LDB2: variants seen among roughly 807,000 people sequenced by gnomAD.
The protein encoded by LDB2 is LIM domain-binding protein 2.
LDB2 carries 12 observed loss-of-function variants against 44.3 expected under a neutral mutation model. That is an observed-to-expected ratio of 0.27 (90% confidence interval 0.17 to 0.44). LDB2 has a LOEUF of 0.44. LDB2 is among the 20% of genes least tolerant of loss of function. LDB2 has a pLI of 1.00. For missense variants in LDB2, 344 were observed against 473.5 expected (o/e 0.73, Z 2.54); for synonymous variants, 164 against 174.8 (o/e 0.94, Z 0.49).
At chr4:16,839,315 G>C (rs771285309) in intron 1 of LDB2, among the ~76,000 whole-genome samples, 2 of 152,204 alleles carry the variant, frequency 1.3e-5, no homozygotes, top group African/African-American at 4.8e-5. Flanking sequence ...TGTGTGCAGA[G>C]ATCACTTGGT....
At chr4:16,871,981 T>C (rs575197694) in intron 1 of LDB2, among the ~76,000 whole-genome samples, 4 of 152,170 alleles carry the variant, frequency 2.6e-5, no homozygotes, top group African/African-American at 9.6e-5. Flanking sequence ...ACTATAAGAG[T>C]TCAGCAGAAA....
intron 2 of LDB2, among the ~76,000 whole-genome samples, chr4:16,742,074 C>CTTTTTTTTTTTTTTTTTTTT (rs33990510): frequency 3.1e-5 from 4 of 128,310 alleles, no homozygotes; most frequent in African/African-American, 6.1e-5. Context: ...CTTTTCTTTT[C>CTTTTTTTTTTTTTTTTTTTT]TTTTTTTTTT....
At chr4:16,658,398 C>T (rs893432135) in intron 2 of LDB2, among the ~76,000 whole-genome samples, 3 of 152,270 alleles carry the variant, frequency 2.0e-5, no homozygotes, top group Non-Finnish European at 2.9e-5. Context: ...TTATGTGCAT[C>T]GTGGCTAAAA....
chr4:16,877,701 C>CA (rs1328934648), intron 1 of LDB2, among the ~76,000 whole-genome samples: 1 of 152,170 alleles, frequency 6.6e-6, no homozygotes, highest in Non-Finnish European at 1.5e-5. Context: ...TAAGTGATGT[C>CA]ATCAAAGCCT....
intron 7 of LDB2, among the ~76,000 whole-genome samples, chr4:16,504,977 C>T (rs1267652920): frequency 3.3e-5 from 5 of 152,032 alleles, no homozygotes; most frequent in East Asian, 1.9e-4. Flanking sequence ...GCATTAGTAT[C>T]GTGACTCCAA....
chr4:16,659,434 T>C (rs1740834051), intron 2 of LDB2, among the ~76,000 whole-genome samples: 1 of 152,138 alleles, frequency 6.6e-6, no homozygotes, highest in African/African-American at 2.4e-5. Flanking sequence ...ATACTTTTCC[T>C]GAAGTTCAGT....
chr4:16,674,394 A>C lies in LDB2; in HGVS notation c.236-78519T>G. ...TTGCCCTGGAGGCGGTGTTAGAAGC[A>C]GGGACCCCAGCTCTCTCAGTGATAA... On this transcript the variant is annotated intron_variant, in intron 2 of 7. Transcript: ENST00000304523. 5.3e-6 allele frequency: 3 copies of C among 565,292 alleles called. 1 individual carries two copies. The highest frequency in any genetic ancestry group is 4.6e-5 in the South Asian group (3 of 65,928). The allele number at this position is 565,292 out of a possible 1,614,324, so 35.0% of individuals were successfully genotyped here.
intron 5 of LDB2, among the ~76,000 whole-genome samples, chr4:16,558,559 G>C (rs1349642398): frequency 6.6e-6 from 1 of 152,218 alleles, no homozygotes; most frequent in East Asian, 1.9e-4. Context: ...ATGGCACTAT[G>C]TGAAAAGACC....
chr4:16,879,300 T>C (rs1719355151), intron 1 of LDB2, among the ~76,000 whole-genome samples: 1 of 152,182 alleles, frequency 6.6e-6, no homozygotes, highest in Non-Finnish European at 1.5e-5. Flanking sequence ...GAGGATGTGA[T>C]GGTTAATTTT....
intron 2 of LDB2, among the ~76,000 whole-genome samples, chr4:16,613,672 C>A (rs1403887734): frequency 6.6e-6 from 1 of 151,962 alleles, no homozygotes; most frequent in Non-Finnish European, 1.5e-5. Context: ...GTCATAATCA[C>A]TACAAAGAGA....
intron 5 of LDB2, among the ~76,000 whole-genome samples, chr4:16,576,928 G>A (rs113145272): frequency 2.8e-4 from 43 of 152,216 alleles, no homozygotes; most frequent in African/African-American, 9.6e-4. Context: ...ATAGTTCAAC[G>A]TATGCAAATC....
intron 2 of LDB2, among the ~76,000 whole-genome samples, chr4:16,655,575 T>C (rs1359807233): frequency 2.0e-5 from 3 of 152,200 alleles, no homozygotes; most frequent in East Asian, 3.9e-4. Context: ...GAAAGTCTTA[T>C]GGACTACTGA....
chr4:16,776,198 A>G (rs1771864081), intron 1 of LDB2, among the ~76,000 whole-genome samples: 1 of 152,152 alleles, frequency 6.6e-6, no homozygotes, highest in Admixed American at 6.5e-5. Flanking sequence ...AGTGTTCAAA[A>G]TGTCCTTACA....
rs1412390309 is a variant in LDB2, at chr4:16,662,080, G to A, written c.236-66205C>T. On this transcript the variant is annotated intron_variant, in intron 2 of 7. Coordinates refer to ENST00000304523, the MANE Select transcript of LDB2 (RefSeq NM_001290.5). Reference sequence around the variant, plus strand: ...AGGAAAAGAGGGCAACTGATTGCCAGAAAACTCAGCATTAATTCTATGCAA... The same window carrying A: ...AGGAAAAGAGGGCAACTGATTGCCAAAAAACTCAGCATTAATTCTATGCAA... 2.0e-5 allele frequency among the ~76,000 whole-genome samples: 3 copies of A among 152,176 alleles called. No homozygotes were observed. In the East Asian group the frequency reaches 5.8e-4, roughly 29 times the overall value.
chr4:16,852,934 T>C (rs1253143229), intron 1 of LDB2, among the ~76,000 whole-genome samples: 1 of 152,130 alleles, frequency 6.6e-6, no homozygotes, highest in Non-Finnish European at 1.5e-5. Context: ...AAAGATCACT[T>C]TAAGTTTAGA....
intron 1 of LDB2, among the ~76,000 whole-genome samples, chr4:16,889,547 A>C (rs1242133603): frequency 2.0e-5 from 3 of 152,184 alleles, no homozygotes; most frequent in Non-Finnish European, 4.4e-5. Flanking sequence ...CTGGGCTATT[A>C]GGCTCACAGA....
At chr4:16,599,969 T>A (rs761749268) in intron 2 of LDB2, among the ~76,000 whole-genome samples, 4 of 152,206 alleles carry the variant, frequency 2.6e-5, no homozygotes, top group Non-Finnish European at 4.4e-5. Context: ...ATGTGATCGC[T>A]GATAAAGCAT....
At chr4:16,531,290 G>T (rs1348897626) in intron 5 of LDB2, among the ~76,000 whole-genome samples, 1 of 152,172 alleles carries the variant, frequency 6.6e-6, no homozygotes, top group Non-Finnish European at 1.5e-5. Flanking sequence ...GGCCACTTTG[G>T]GCTGTCCCAG....
intron 1 of LDB2, among the ~76,000 whole-genome samples, chr4:16,763,703 C>A (rs537232718): frequency 9.2e-5 from 14 of 152,230 alleles, no homozygotes; most frequent in Middle Eastern, 3.4e-3. Context: ...TGTATTGAAC[C>A]ATTTTATATT....
Sources: allele counts gnomAD v4.1 joint callset (sites outside exome capture counted in the v4.1 genomes callset), GRCh38; gene constraint gnomAD v4.1.1; transcripts MANE v1.5; gene names NCBI Gene and HGNC (gene_info 2026-07-23, HGNC 2026-07-21).